The following EBF1 variants were observed in gnomAD, a reference collection of about 807,000 sequenced individuals.
EBF1 encodes the protein EBF transcription factor 1.
EBF1 carries 10 observed loss-of-function variants against 68.4 expected under a neutral mutation model. That is an observed-to-expected ratio of 0.15 (90% CI 0.09 to 0.25). The LOEUF (loss-of-function observed/expected upper bound fraction) is 0.25, where lower values mean the gene tolerates loss of function less well. Among genes scored for constraint, EBF1 ranks in the 10% least tolerant of loss-of-function variants. The pLI is 1.00. For missense variants in EBF1, 509 were observed against 794.4 expected, an observed-to-expected ratio of 0.64 and a Z score of 4.32; for synonymous variants, 298 against 299.8, an observed-to-expected ratio of 0.99 and a Z score of 0.06.
At chr5:158,771,914 A>G (rs1438051287) in intron 10 of EBF1, among the ~76,000 whole-genome samples, 10 of 152,100 alleles carry the variant, frequency 6.6e-5, no homozygotes, top group Non-Finnish European at 1.5e-4. Context: ...TGTCCACTAT[A>G]CCACAGCGGT....
chr5:158,826,687 A>C (rs1786207780), intron 7 of EBF1, among the ~76,000 whole-genome samples: 1 of 152,196 alleles, frequency 6.6e-6, no homozygotes, highest in South Asian at 2.1e-4. Context: ...ATTAACACTC[A>C]GCATGTTCCA....
At chr5:159,092,592 C>T (rs1781849143) in intron 4 of EBF1, among the ~76,000 whole-genome samples, 1 of 152,198 alleles carries the variant, frequency 6.6e-6, no homozygotes, top group Admixed American at 6.5e-5. Flanking sequence ...TAATCCCACC[C>T]AAGATCAAGA....
At chr5:158,981,760 C>T (rs1436344489) in intron 6 of EBF1, among the ~76,000 whole-genome samples, 2 of 152,082 alleles carry the variant, frequency 1.3e-5, no homozygotes, top group African/African-American at 4.8e-5. Context: ...GCGCAAGAAG[C>T]TACAGTTACT....
At chr5:159,055,583 TG>T (rs1433965034) in intron 6 of EBF1, among the ~76,000 whole-genome samples, 1 of 152,236 alleles carries the variant, frequency 6.6e-6, no homozygotes, top group African/African-American at 2.4e-5. Context: ...TGCACAAATT[TG>T]GGTTCATATT....
At chr5:158,964,452 T>C (rs1435421952) in intron 6 of EBF1, among the ~76,000 whole-genome samples, 1 of 152,004 alleles carries the variant, frequency 6.6e-6, no homozygotes, top group Non-Finnish European at 1.5e-5. Flanking sequence ...GAAGTTACTC[T>C]AGTAATCTGG....
At chr5:158,863,457 C>G (rs1391684922) in intron 6 of EBF1, among the ~76,000 whole-genome samples, 1 of 152,220 alleles carries the variant, frequency 6.6e-6, no homozygotes, top group African/African-American at 2.4e-5. Context: ...ATGTTCATCT[C>G]TGTATCCTCA....
chr5:159,055,381 C>T (rs1441920994), intron 6 of EBF1, among the ~76,000 whole-genome samples: 1 of 152,186 alleles, frequency 6.6e-6, no homozygotes, highest in Non-Finnish European at 1.5e-5. Flanking sequence ...GACACACAGA[C>T]ACAGAGGCTC....
At chr5:159,047,755 C>T (rs1238842178) in intron 6 of EBF1, among the ~76,000 whole-genome samples, 2 of 152,190 alleles carry the variant, frequency 1.3e-5, no homozygotes, top group Non-Finnish European at 1.5e-5. Flanking sequence ...GTACCCATTG[C>T]CACATACCCC....
intron 6 of EBF1, chr5:158,941,225 G>A (rs1813296746): frequency 2.2e-6 from 1 of 455,860 alleles, no homozygotes; most frequent in Non-Finnish European, 4.4e-6. Context: ...CACATTTGAG[G>A]AAGAATGATA....
intron 6 of EBF1, among the ~76,000 whole-genome samples, chr5:158,980,659 T>G (rs1218718101): frequency 6.6e-6 from 1 of 152,230 alleles, no homozygotes; most frequent in African/African-American, 2.4e-5. Context: ...AAAGGAAGAA[T>G]GGAGAGAAAA....
chr5:158,852,069 A>AGAGGG (rs764673246), intron 6 of EBF1, among the ~76,000 whole-genome samples: 1 of 17,778 alleles, frequency 5.6e-5, no homozygotes, highest in Non-Finnish European at 1.0e-4. Context: ...AGAGGGGAGG[A>AGAGGG]GAGGGGAGGG....
chr5:158,928,703 T>C (rs988347228), intron 6 of EBF1, among the ~76,000 whole-genome samples: 1 of 152,370 alleles, frequency 6.6e-6, no homozygotes, highest in East Asian at 1.9e-4. Context: ...ACTCTTGTGC[T>C]GCTCTGAAGC....
At chr5:158,953,383 G>A (rs1816441549) in intron 6 of EBF1, among the ~76,000 whole-genome samples, 1 of 152,152 alleles carries the variant, frequency 6.6e-6, no homozygotes, top group Non-Finnish European at 1.5e-5. Context: ...AAATGCCAGA[G>A]ATCATCATGC....
intron 6 of EBF1, among the ~76,000 whole-genome samples, chr5:158,853,448 G>A (rs1276442517): frequency 6.6e-6 from 1 of 152,188 alleles, no homozygotes; most frequent in Non-Finnish European, 1.5e-5. Context: ...AAAAAGATGT[G>A]CAGCTGGGGT....
chr5:159,079,031 C>T (rs1216033438), intron 5 of EBF1, among the ~76,000 whole-genome samples: 1 of 152,186 alleles, frequency 6.6e-6, no homozygotes, highest in Non-Finnish European at 1.5e-5. Flanking sequence ...GATGCCTTAC[C>T]TATTTCCCTA....
At chr5:158,980,243 C>T (rs1757633343) in intron 6 of EBF1, among the ~76,000 whole-genome samples, 1 of 152,220 alleles carries the variant, frequency 6.6e-6, no homozygotes, top group South Asian at 2.1e-4. Context: ...AGAAAGTCCT[C>T]ACCCTGAACG....
At chr5:158,988,793 T>C (rs1759671698) in intron 6 of EBF1, among the ~76,000 whole-genome samples, 1 of 152,190 alleles carries the variant, frequency 6.6e-6, no homozygotes, top group Non-Finnish European at 1.5e-5. Context: ...ACTTCAAATA[T>C]TTTGCTCCTT....
intron 10 of EBF1, among the ~76,000 whole-genome samples, chr5:158,733,749 C>G (rs182658882): frequency 2.6e-5 from 4 of 152,214 alleles, no homozygotes; most frequent in Admixed American, 2.6e-4. Flanking sequence ...ACAAGTTAAC[C>G]TGCCCTCAAT....
At chr5:158,721,479 A>T (rs1761925889) in intron 11 of EBF1, among the ~76,000 whole-genome samples, 1 of 152,218 alleles carries the variant, frequency 6.6e-6, no homozygotes, top group Non-Finnish European at 1.5e-5. Context: ...AGTTGCAGTT[A>T]ATACCACTGA....
Sources: gnomAD v4.1 joint callset for allele counts (sites outside exome capture counted in the v4.1 genomes callset) on GRCh38, gnomAD v4.1.1 for gene constraint, MANE v1.5 for transcripts, NCBI Gene and HGNC (gene_info 2026-07-23, HGNC 2026-07-21) for gene names.